The following TMTC1 variants were observed in gnomAD, a reference collection of about 807,000 sequenced individuals.
The protein encoded by TMTC1 is protein O-mannosyl-transferase TMTC1.
A neutral mutation model predicts 104.8 loss-of-function variants in TMTC1; 73 were observed. That is an observed-to-expected ratio of 0.70 (90% CI 0.58 to 0.85). TMTC1 has a LOEUF of 0.85. Ranked by LOEUF, TMTC1 falls within the 40% of genes least tolerant of loss-of-function variation. The pLI, the probability that TMTC1 is intolerant of heterozygous loss-of-function variation, is 0.00. For synonymous variants in TMTC1, 434 were observed against 428.7 expected (o/e 1.01, Z -0.15); for missense variants, 1,035 against 1,096.1 (o/e 0.94, Z 0.79).
intron 17 of TMTC1, among the ~76,000 whole-genome samples, chr12:29,509,246 C>T (rs1277990513): frequency 1.3e-5 from 2 of 152,196 alleles, no homozygotes. Flanking sequence ...CTGGTTGATG[C>T]AACTCTTTGA....
intron 5 of TMTC1, among the ~76,000 whole-genome samples, chr12:29,741,921 C>T (rs544357415): frequency 2.0e-5 from 3 of 152,306 alleles, no homozygotes; most frequent in Admixed American, 2.0e-4. Flanking sequence ...CAACCTCTCC[C>T]TGACTGCATG....
chr12:29,543,272 C>T (rs1944851733), intron 10 of TMTC1, among the ~76,000 whole-genome samples: 2 of 152,146 alleles, frequency 1.3e-5, no homozygotes, highest in South Asian at 4.1e-4. Flanking sequence ...AGATATTTAG[C>T]AAAAGCAAAC....
At chr12:29,590,549 G>A (rs1397061186) in intron 7 of TMTC1, among the ~76,000 whole-genome samples, 1 of 152,202 alleles carries the variant, frequency 6.6e-6, no homozygotes, top group African/African-American at 2.4e-5. Flanking sequence ...CACTTTGGGA[G>A]GCCAAGGCGG....
At chr12:29,755,084 T>G (rs778464190) in intron 4 of TMTC1, among the ~76,000 whole-genome samples, 1 of 152,214 alleles carries the variant, frequency 6.6e-6, no homozygotes, top group Admixed American at 6.5e-5. Flanking sequence ...GCTTGAACTT[T>G]TAATATGCCT....
chr12:29,684,092 C>T (rs111786166), intron 5 of TMTC1, among the ~76,000 whole-genome samples: 2,613 of 152,252 alleles, frequency 0.017, 72 homozygotes, highest in African/African-American at 0.06. Context: ...AATCCGCCTG[C>T]CTTGGCTGAC....
rs973191444 is a variant in TMTC1, at chr12:29,503,473, T to C, written c.*3373A>G. ...TTCTTGTGGCTTCTACATCAAAGGA[T>C]ACAAAAAGAAATGGACACTTATCAG... On this transcript the variant is annotated 3_prime_UTR_variant, in exon 18 of 18. Coordinates refer to ENST00000539277, the MANE Select transcript of TMTC1 (RefSeq NM_001193451.2). 1.3e-5 allele frequency: 2 copies of C among 151,870 alleles called. No homozygotes were observed. The highest frequency in any genetic ancestry group is 2.9e-5 in the Non-Finnish European group (2 of 67,976). 9.4% of individuals were successfully genotyped at this position (151,870 alleles called of 1,614,324 possible).
At chr12:29,628,446 C>T (rs75375026) in intron 6 of TMTC1, among the ~76,000 whole-genome samples, 4,310 of 152,240 alleles carry the variant, frequency 0.028, 88 homozygotes, top group Non-Finnish European at 0.045. Context: ...TCCTCTTGCT[C>T]GAGAGCTTTC....
At chr12:29,746,884 A>G (rs1280079725) in intron 5 of TMTC1, among the ~76,000 whole-genome samples, 2 of 152,182 alleles carry the variant, frequency 1.3e-5, no homozygotes, top group African/African-American at 4.8e-5. Flanking sequence ...ATCATCCCAT[A>G]AAGTTTTATA....
At position 29,552,302 on chromosome 12, in the gene TMTC1, T is replaced by C. The variant is rs147170240; in HGVS notation, c.1676+4555A>G. ...AAAAAAAGAATGCACACCATCTCAG[T>C]AATATTTTCAATTTCTCACATTAAA... is the stretch of plus-strand genomic sequence containing the variant. On this transcript the variant is annotated intron_variant, in intron 10 of 17. Coordinates refer to ENST00000539277, the MANE Select transcript of TMTC1 (RefSeq NM_001193451.2). Among the ~76,000 whole-genome samples, 1,113 of 152,332 alleles carry C rather than the reference T, an allele frequency of 7.3e-3. 12 individuals carry two copies. Among genetic ancestry groups the C allele is most frequent in the African/African-American group, 0.026 (1,064 of 41,576 alleles).
intron 14 of TMTC1, among the ~76,000 whole-genome samples, chr12:29,516,695 G>A (rs904341178): frequency 4.5e-4 from 68 of 152,184 alleles, no homozygotes; most frequent in African/African-American, 1.6e-3. Context: ...ATTTGTGAGT[G>A]AGTGGCAGAA....
intron 3 of TMTC1, among the ~76,000 whole-genome samples, chr12:29,757,795 A>G (rs762370890): frequency 6.6e-6 from 1 of 152,206 alleles, no homozygotes; most frequent in African/African-American, 2.4e-5. Flanking sequence ...CACATCTTAC[A>G]TGGATGGCGG....
chr12:29,569,134 C>T, intron 9 of TMTC1: 1 of 361,784 alleles, frequency 2.8e-6, no homozygotes, highest in Non-Finnish European at 5.5e-6. Flanking sequence ...GCAATATTTT[C>T]CAGGGGAGAT....
intron 11 of TMTC1, chr12:29,533,275 C>T (rs1944556142): frequency 6.6e-6 from 1 of 152,138 alleles, no homozygotes; most frequent in Non-Finnish European, 1.5e-5. Context: ...TTAAATTTCT[C>T]CCCTCAGGTT....
intron 10 of TMTC1, among the ~76,000 whole-genome samples, chr12:29,543,539 T>A (rs1182543338): frequency 1.3e-5 from 2 of 152,208 alleles, no homozygotes; most frequent in South Asian, 2.1e-4. Flanking sequence ...TGGGCAGACC[T>A]CTTAATTACT....
intron 2 of TMTC1, among the ~76,000 whole-genome samples, chr12:29,765,909 A>G (rs1943452855): frequency 6.6e-6 from 1 of 152,208 alleles, no homozygotes; most frequent in Non-Finnish European, 1.5e-5. Flanking sequence ...ATGATCTATC[A>G]CCTTACATAA....
chr12:29,782,163 G>C, intron 1 of TMTC1, among the ~76,000 whole-genome samples: 1 of 152,244 alleles, frequency 6.6e-6, no homozygotes, highest in East Asian at 1.9e-4. Flanking sequence ...AGCGAGGTTA[G>C]CCAAGGTTAT....
chr12:29,607,148 T>C (rs1210273619), intron 6 of TMTC1, among the ~76,000 whole-genome samples: 1 of 152,236 alleles, frequency 6.6e-6, no homozygotes. Context: ...CACCAGTTTC[T>C]TCAGACACCA....
chr12:29,763,943 C>A (rs562744681), intron 2 of TMTC1, among the ~76,000 whole-genome samples: 1 of 152,236 alleles, frequency 6.6e-6, no homozygotes, highest in Non-Finnish European at 1.5e-5. Flanking sequence ...CAATGGGAAG[C>A]AAAGATGGAA....
intron 1 of TMTC1, among the ~76,000 whole-genome samples, chr12:29,774,072 G>A (rs752367801): frequency 7.9e-5 from 12 of 152,114 alleles, no homozygotes; most frequent in Non-Finnish European, 1.3e-4. Flanking sequence ...ACGCATGCCA[G>A]CATTCCTATC....
Sources: gnomAD v4.1 joint callset for allele counts (sites outside exome capture counted in the v4.1 genomes callset) on GRCh38, gnomAD v4.1.1 for gene constraint, MANE v1.5 for transcripts, NCBI Gene and HGNC (gene_info 2026-07-23, HGNC 2026-07-21) for gene names.